Variants in VPS13B observed in about 807,000 individuals in gnomAD.
The protein encoded by VPS13B is vacuolar protein sorting 13 homolog B, also known as intermembrane lipid transfer protein VPS13B.
Under a neutral mutation model 426.4 loss-of-function variants are expected in VPS13B, and 285 were observed. That is an observed-to-expected ratio of 0.67 (90% confidence interval 0.61 to 0.74). VPS13B has a LOEUF of 0.74. Ranked by LOEUF, VPS13B falls within the 30% of genes least tolerant of loss-of-function variation. The pLI, the probability that VPS13B is intolerant of heterozygous loss-of-function variation, is 0.00. For synonymous variants in VPS13B, 1,676 were observed against 1,676.4 expected, an observed-to-expected ratio of 1.00 and a Z score of 0.01; for missense variants, 4,537 against 4,782.6, an observed-to-expected ratio of 0.95 and a Z score of 1.51.
Position 99,577,864 on chromosome 8 carries a change from T to A in VPS13B, c.5220+231T>A, listed in dbSNP as rs949433813. On this transcript the variant is annotated intron_variant, in intron 33 of 61. Coordinates refer to ENST00000357162, the MANE Select transcript of VPS13B (RefSeq NM_152564.5). Reference sequence around the variant, plus strand: ...TTTGCAAAATTGCTGTGGACTGACCTCAGAGGAACCTCTGTTATATACATA... The same window carrying A: ...TTTGCAAAATTGCTGTGGACTGACCACAGAGGAACCTCTGTTATATACATA... 7 of 539,110 alleles carry A rather than the reference T, an allele frequency of 1.3e-5. No homozygotes were observed. In the African/African-American group the frequency reaches 1.3e-4, roughly 10 times the overall value. The allele number at this position is 539,110 out of a possible 1,614,324, so 33.4% of individuals were successfully genotyped here.
intron 34 of VPS13B, among the ~76,000 whole-genome samples, chr8:99,653,425 C>T (rs1829900582): frequency 6.7e-6 from 1 of 150,314 alleles, no homozygotes; most frequent in African/African-American, 2.4e-5. Context: ...AAGAGGTTTA[C>T]AGTTGGGATT....
At position 99,575,683 on chromosome 8, in the gene VPS13B, G is replaced by A. The variant is rs200014322; in HGVS notation, c.4975G>A (p.Ala1659Thr). 2 of 1,613,898 alleles carry A rather than the reference G, an allele frequency of 1.2e-6. No homozygotes were observed. Among genetic ancestry groups the A allele is most frequent in the Non-Finnish European group, 8.5e-7 (1 of 1,179,922 alleles). The change falls in exon 32 of 62, where the codon GCA (alanine) becomes ACA (threonine). Residue 1659 changes from alanine to threonine, a missense_variant. Ala to Thr is a moderately conservative substitution (Grantham distance 58). Transcript: ENST00000357162. ...CATACGGCGGCATCAAGAAAGGAGAGCAATTTTGACCCCCGTTTTGACAGA... is the reference window on the plus strand; with the variant it reads ...CATACGGCGGCATCAAGAAAGGAGAACAATTTTGACCCCCGTTTTGACAGA... Reference protein sequence around the residue: ...SSIRRHQERRAILTPVLTDFS... With the variant: ...SSIRRHQERRTILTPVLTDFS...
intron 19 of VPS13B, among the ~76,000 whole-genome samples, chr8:99,299,210 C>A (rs770436355): frequency 6.6e-6 from 1 of 151,698 alleles, no homozygotes; most frequent in Non-Finnish European, 1.5e-5. Context: ...TACAGGCCCC[C>A]ACCACTACAC....
At chr8:99,762,990 TAGTC>T (rs1438119899) in intron 39 of VPS13B, among the ~76,000 whole-genome samples, 1 of 150,642 alleles carries the variant, frequency 6.6e-6, no homozygotes, top group Non-Finnish European at 1.5e-5. Context: ...ATACAAAAAT[TAGTC>T]AGGCATGGTG....
intron 3 of VPS13B, among the ~76,000 whole-genome samples, chr8:99,061,296 C>CTTTTTTTTT (rs36037937): frequency 7.1e-5 from 8 of 112,936 alleles, no homozygotes; most frequent in South Asian, 5.9e-4. Flanking sequence ...TGCTAATTTT[C>CTTTTTTTTT]TTTTTTTTTT....
chr8:99,347,671 T>G (rs532095392), intron 19 of VPS13B: 1 of 152,462 alleles, frequency 6.6e-6, no homozygotes, highest in Admixed American at 6.5e-5. Flanking sequence ...CTTGTGGCAC[T>G]TCAACTCCTA....
Position 99,013,844 on chromosome 8 carries a change from A to G in VPS13B, c.56A>G (p.Lys19Arg), listed in dbSNP as rs200327756. The change falls in exon 2 of 62, where the codon AAG (lysine) becomes AGG (arginine). Residue 19 changes from lysine to arginine, a missense_variant. Coordinates refer to ENST00000357162, the MANE Select transcript of VPS13B (RefSeq NM_152564.5). The stretch of plus-strand genomic sequence containing the variant: ...ATGAGCTATGTGAATCGCTACATCA[A>G]GAACTTAAAGCCGTCGGATCTACAG... ...ILMSYVNRYIKNLKPSDLQLS... is the reference protein window; with the variant it reads ...ILMSYVNRYIRNLKPSDLQLS... 1.5e-4 allele frequency: 250 copies of G among 1,614,102 alleles called. No individual in the cohort carries two copies. Among genetic ancestry groups the G allele is most frequent in the Non-Finnish European group, 1.9e-4 (223 of 1,180,040 alleles).
At chr8:99,071,040 G>T (rs1844826617) in intron 3 of VPS13B, among the ~76,000 whole-genome samples, 1 of 151,920 alleles carries the variant, frequency 6.6e-6, no homozygotes, top group East Asian at 1.9e-4. Context: ...AGTATTTTAG[G>T]TTCTCTGTCT....
At chr8:99,152,404 T>C (rs1811122916) in intron 14 of VPS13B, among the ~76,000 whole-genome samples, 1 of 152,222 alleles carries the variant, frequency 6.6e-6, no homozygotes, top group South Asian at 2.1e-4. Context: ...TAGGTGTGTT[T>C]TGTGGCTTAG....
At chr8:99,548,438 C>A (rs1329381937) in intron 30 of VPS13B, among the ~76,000 whole-genome samples, 1 of 151,862 alleles carries the variant, frequency 6.6e-6, no homozygotes, top group Admixed American at 6.6e-5. Flanking sequence ...CTCTAGTGAG[C>A]CATGAGATGT....
chr8:99,817,332 G>C (rs1814099884), intron 44 of VPS13B, among the ~76,000 whole-genome samples: 1 of 151,928 alleles, frequency 6.6e-6, no homozygotes, highest in African/African-American at 2.4e-5. Context: ...ACTCCTACAT[G>C]TCTGTCCTTT....
chr8:99,343,677 C>T (rs904643662), intron 19 of VPS13B, among the ~76,000 whole-genome samples: 1 of 152,060 alleles, frequency 6.6e-6, no homozygotes, highest in Non-Finnish European at 1.5e-5. Flanking sequence ...ATTAAGAAAG[C>T]AATTCAATTT....
chr8:99,754,487 A>C (rs1810544356), intron 39 of VPS13B, among the ~76,000 whole-genome samples: 1 of 152,198 alleles, frequency 6.6e-6, no homozygotes, highest in Non-Finnish European at 1.5e-5. Flanking sequence ...TTATTGTACA[A>C]AGACAAAGCC....
At chr8:99,418,333 G>A (rs766463135) in intron 21 of VPS13B, among the ~76,000 whole-genome samples, 8 of 151,136 alleles carry the variant, frequency 5.3e-5, no homozygotes, top group Non-Finnish European at 1.0e-4. Context: ...TCTCCTATTA[G>A]CCCATATTAT....
At chr8:99,720,602 A>G in intron 38 of VPS13B, 50 bp downstream of exon 38, 1 of 1,568,938 alleles carries the variant, frequency 6.4e-7, no homozygotes, top group South Asian at 1.1e-5. Context: ...ATGTGGTTGC[A>G]TTTTAAATGC....
At chr8:99,366,049 A>G (rs1161456141) in intron 19 of VPS13B, among the ~76,000 whole-genome samples, 2 of 151,974 alleles carry the variant, frequency 1.3e-5, no homozygotes, top group Admixed American at 1.3e-4. Context: ...CATGTGCTAA[A>G]GAGAAGAATT....
chr8:99,199,237 A>G (rs1231011634), intron 17 of VPS13B, among the ~76,000 whole-genome samples: 1 of 152,130 alleles, frequency 6.6e-6, no homozygotes, highest in Non-Finnish European at 1.5e-5. Context: ...GCTAGAGTGC[A>G]GTGGCATGAT....
chr8:99,387,336 G>A (rs938966237), intron 20 of VPS13B, among the ~76,000 whole-genome samples: 2 of 151,856 alleles, frequency 1.3e-5, no homozygotes, highest in African/African-American at 4.8e-5. Context: ...TCTTTTCTAA[G>A]CCTCCTGAGT....
chr8:99,106,972 A>G (rs1847080539), intron 5 of VPS13B, among the ~76,000 whole-genome samples: 2 of 152,178 alleles, frequency 1.3e-5, no homozygotes, highest in Admixed American at 1.3e-4. Flanking sequence ...ATAATGAATA[A>G]TGCTATAGCG....
Sources: gnomAD v4.1 joint callset for allele counts (sites outside exome capture counted in the v4.1 genomes callset) on GRCh38, gnomAD v4.1.1 for gene constraint, MANE v1.5 for transcripts, NCBI Gene and HGNC (gene_info 2026-07-23, HGNC 2026-07-21) for gene names.